The following MERTK variants were observed in gnomAD, a reference collection of about 807,000 sequenced individuals.
MERTK encodes tyrosine-protein kinase Mer.
In MERTK, 69 loss-of-function variants were observed where a neutral mutation model predicts 99.3. That is an observed-to-expected ratio of 0.70 (90% confidence interval 0.57 to 0.85). MERTK has a LOEUF of 0.85. MERTK is among the 40% of genes least tolerant of loss of function. The probability of loss-of-function intolerance (pLI) is 0.00; values close to 1 mark genes in which losing one functional copy is unlikely to be tolerated. For synonymous variants in MERTK, 426 were observed against 467.6 expected (o/e 0.91, Z 1.15); for missense variants, 1,125 against 1,249.4 (o/e 0.90, Z 1.50).
At chr2:111,970,098 A>G (rs902790624) in intron 6 of MERTK, among the ~76,000 whole-genome samples, 1 of 151,698 alleles carries the variant, frequency 6.6e-6, no homozygotes, top group South Asian at 2.1e-4. Flanking sequence ...ATTCCTCACC[A>G]GGAATGGTCT....
At chr2:112,021,378 G>A (rs947054898) in intron 16 of MERTK, 44 bp from the exon 17 acceptor site, 4 of 1,610,544 alleles carry the variant, frequency 2.5e-6, no homozygotes, top group Admixed American at 3.3e-5. Flanking sequence ...GTAATTTAAG[G>A]CATTGCCTCT....
chr2:111,937,121 C>T (rs1414447065), intron 2 of MERTK, among the ~76,000 whole-genome samples: 1 of 152,036 alleles, frequency 6.6e-6, no homozygotes, highest in African/African-American at 2.4e-5. Context: ...TGGAATGATT[C>T]TACTGTTTCA....
chr2:111,927,624 G>A (rs1433765568), intron 1 of MERTK, among the ~76,000 whole-genome samples: 1 of 152,082 alleles, frequency 6.6e-6, no homozygotes, highest in East Asian at 1.9e-4. Flanking sequence ...GTGAGTTACT[G>A]TACCACTGCT....
intron 10 of MERTK, among the ~76,000 whole-genome samples, chr2:111,998,816 A>C (rs1676805142): frequency 6.6e-6 from 1 of 152,244 alleles, no homozygotes. Context: ...AACTATTTCC[A>C]GGAACCATTA....
intron 3 of MERTK, among the ~76,000 whole-genome samples, chr2:111,945,769 TTC>T (rs1283673292): frequency 6.6e-6 from 1 of 152,238 alleles, no homozygotes; most frequent in Non-Finnish European, 1.5e-5. Context: ...GCATGCCTGG[TTC>T]TGCAATGGCA....
At chr2:112,016,861 G>A (rs968653979) in intron 15 of MERTK, among the ~76,000 whole-genome samples, 1 of 152,192 alleles carries the variant, frequency 6.6e-6, no homozygotes, top group Non-Finnish European at 1.5e-5. Context: ...AGGCCAAGGC[G>A]GGTGGATCAC....
intron 3 of MERTK, among the ~76,000 whole-genome samples, chr2:111,945,994 C>T (rs1684955350): frequency 6.6e-6 from 1 of 152,220 alleles, no homozygotes; most frequent in South Asian, 2.1e-4. Context: ...ACATCTCCCA[C>T]TGAAAGTCTG....
At chr2:112,025,026 C>T (rs1677436158) in intron 18 of MERTK, among the ~76,000 whole-genome samples, 1 of 152,198 alleles carries the variant, frequency 6.6e-6, no homozygotes, top group Admixed American at 6.5e-5. Context: ...GTCAGTGACT[C>T]TTCTTCATAG....
At chr2:111,925,292 A>ATTTTTTTTTTTT (rs11433691) in intron 1 of MERTK, among the ~76,000 whole-genome samples, 1 of 24,488 alleles carries the variant, frequency 4.1e-5, no homozygotes, top group African/African-American at 1.4e-4. Flanking sequence ...ATATATATAT[A>ATTTTTTTTTTTT]TTTTTTTTTT....
At chr2:111,941,928 C>T (rs919598411) in intron 2 of MERTK, among the ~76,000 whole-genome samples, 1 of 152,196 alleles carries the variant, frequency 6.6e-6, no homozygotes, top group East Asian at 1.9e-4. Context: ...GGGCATCTTA[C>T]GCAGTCTGAT....
intron 15 of MERTK, among the ~76,000 whole-genome samples, chr2:112,010,972 G>A (rs1677088381): frequency 6.6e-6 from 1 of 152,096 alleles, no homozygotes; most frequent in Non-Finnish European, 1.5e-5. Flanking sequence ...CTGGGCAAAA[G>A]GCAAAAGTCA....
chr2:111,912,864 G>A (rs1433127418), intron 1 of MERTK: 1 of 184,020 alleles, frequency 5.4e-6, no homozygotes, highest in African/African-American at 2.4e-5. Context: ...CTTGTATGTG[G>A]ACTGCAAGGT....
chr2:112,007,845 G>A (rs947058046), intron 13 of MERTK, among the ~76,000 whole-genome samples: 1 of 144,416 alleles, frequency 6.9e-6, no homozygotes, highest in Non-Finnish European at 1.5e-5. Context: ...TCTTTGTTTT[G>A]GTGTTGGGGT....
chr2:112,025,125 T>C (rs1390838031), intron 18 of MERTK, among the ~76,000 whole-genome samples: 1 of 152,140 alleles, frequency 6.6e-6, no homozygotes, highest in Non-Finnish European at 1.5e-5. Flanking sequence ...CTTCAGTCAG[T>C]TCCTCTCCTC....
intron 1 of MERTK, among the ~76,000 whole-genome samples, chr2:111,912,718 G>A (rs113322271): frequency 1.4e-3 from 210 of 152,296 alleles, no homozygotes; most frequent in South Asian, 3.9e-3. Context: ...ATTGTGAAGT[G>A]AGTGATGCAA....
Position 112,028,698 on chromosome 2 carries a change from C to A in MERTK, c.2834C>A (p.Pro945His). The A allele has an allele frequency of 1.2e-6, 2 of 1,614,156 alleles. No homozygotes were observed. Among genetic ancestry groups the A allele is most frequent in the South Asian group, 2.2e-5 (2 of 91,086 alleles). ...GAATGGGAAGATCTGACTTCTGCCC[C>A]CTCTGCTGCAGTCACAGCTGAAAAG... ...SEEWEDLTSA[P>H]SAAVTAEKNS... The change falls in exon 19 of 19, where the codon CCC becomes CAC. Residue 945 changes from proline to histidine, a missense_variant. Physicochemically the swap from Pro to His is moderately conservative, Grantham distance 77. Transcript: ENST00000295408.
chr2:111,934,436 C>T (rs1230253820), intron 2 of MERTK, among the ~76,000 whole-genome samples: 3 of 152,180 alleles, frequency 2.0e-5, no homozygotes, highest in Non-Finnish European at 2.9e-5. Flanking sequence ...GAGATGGTAT[C>T]TCATTGTGGT....
At chr2:112,003,506 G>A (rs1676912413) in intron 12 of MERTK, 2 of 334,356 alleles carry the variant, frequency 6.0e-6, no homozygotes, top group Non-Finnish European at 1.1e-5. Context: ...TAAGTTCATT[G>A]TTCTTGGCAC....
chr2:111,924,878 A>G (rs1330980780), intron 1 of MERTK, among the ~76,000 whole-genome samples: 2 of 152,050 alleles, frequency 1.3e-5, no homozygotes, highest in Admixed American at 6.6e-5. Context: ...CACTCATTCA[A>G]CAAACCTATT....
Sources: allele counts gnomAD v4.1 joint callset (sites outside exome capture counted in the v4.1 genomes callset), GRCh38; gene constraint gnomAD v4.1.1; transcripts MANE v1.5; gene names NCBI Gene and HGNC (gene_info 2026-07-23, HGNC 2026-07-21).